Variants in CMYA5 observed in about 807,000 individuals in gnomAD.
CMYA5 encodes cardiomyopathy associated 5, also known as cardiomyopathy-associated protein 5.
A neutral mutation model predicts 318.9 loss-of-function variants in CMYA5; 246 were observed. The ratio of observed to expected loss-of-function variants is 0.77; its 90% confidence interval spans 0.70 to 0.86. CMYA5 has a LOEUF of 0.86. Ranked by LOEUF, CMYA5 falls within the 40% of genes least tolerant of loss-of-function variation. The pLI is 0.00. For missense variants in CMYA5, 4,589 were observed against 4,678.2 expected (o/e 0.98, Z 0.56); for synonymous variants, 1,641 against 1,729.5 (o/e 0.95, Z 1.27).
chr5:79,691,583 G>C (rs1317177822), intron 1 of CMYA5, among the ~76,000 whole-genome samples: 1 of 152,130 alleles, frequency 6.6e-6, no homozygotes, highest in Non-Finnish European at 1.5e-5. Flanking sequence ...GGACACATGA[G>C]GGAATATGGA....
chr5:79,766,102 T>A (rs545022586), intron 9 of CMYA5, among the ~76,000 whole-genome samples: 1 of 152,298 alleles, frequency 6.6e-6, no homozygotes, highest in African/African-American at 2.4e-5. Flanking sequence ...TTGTTTTATT[T>A]ATTTATTTAT....
chr5:79,712,509 G>A (rs951612253), intron 1 of CMYA5, among the ~76,000 whole-genome samples: 2 of 151,550 alleles, frequency 1.3e-5, no homozygotes, highest in African/African-American at 2.4e-5. Flanking sequence ...CACCACACCC[G>A]GCCTATTTTT....
At chr5:79,745,969 C>G (rs1828314465) in intron 4 of CMYA5, among the ~76,000 whole-genome samples, 1 of 152,152 alleles carries the variant, frequency 6.6e-6, no homozygotes, top group Non-Finnish European at 1.5e-5. Flanking sequence ...GGTGTTTTTA[C>G]AAGGGGTTTC....
rs948390139 is a variant in CMYA5 at position 79,790,972 on chromosome 5, A to T, written c.11692A>T (p.Thr3898Ser). 6.2e-7 allele frequency: 1 copy of T among 1,611,022 alleles called. No homozygotes were observed. The highest frequency in any genetic ancestry group is 8.5e-7 in the Non-Finnish European group (1 of 1,177,552). ...SEAALISTRGTRFLLLRETAH... is the reference protein window; with the variant it reads ...SEAALISTRGSRFLLLRETAH... ...TACTATTTTCTCACCTGCAATAGGA[A>T]CCAGATTTCTCTTGTTGAGAGAAAC... is the stretch of plus-strand genomic sequence containing the variant. Residue 3898 changes from threonine (T) to serine (S), a missense_variant and splice_region_variant, in exon 11 of 13, where the codon ACC becomes TCC. Thr to Ser is a moderately conservative substitution (Grantham distance 58). Around this residue, in one of 3 missense-constraint regions of CMYA5, gnomAD observed 2,431 missense variants for 2,495.1 expected, o/e 0.97. Transcript: ENST00000446378.
In CMYA5 at chr5:79,730,396, AGAAG is replaced by A. The variant is rs754612799; in HGVS notation, c.1632_1635del (p.Glu544AspfsTer60). The A allele has an allele frequency of 6.2e-7, 1 of 1,613,928 alleles. No homozygotes were observed. Among genetic ancestry groups the A allele is most frequent in the South Asian group, 1.1e-5 (1 of 91,078 alleles). On this transcript the variant is annotated frameshift_variant, in exon 2 of 13. Coordinates refer to ENST00000446378, the MANE Select transcript of CMYA5 (RefSeq NM_153610.5). LOFTEE classifies it high-confidence loss of function. ...TACCCAGAAAGCCCATTGGTTTCCGAGAAGCCCTTCCCACCACATATGTCCCCTG... is the reference window on the plus strand; with the variant it reads ...TACCCAGAAAGCCCATTGGTTTCCGACCCTTCCCACCACATATGTCCCCTG...
rs193215407 is a variant in CMYA5 at position 79,772,630 on chromosome 5, G to C, written c.11555+9421G>C. Among the ~76,000 whole-genome samples, 8 of 152,294 alleles carry C rather than the reference G, an allele frequency of 5.3e-5. No homozygotes were observed. In the East Asian group the frequency reaches 5.8e-4, roughly 11 times the overall value. On this transcript the variant is annotated intron_variant, in intron 9 of 12. Coordinates refer to ENST00000446378, the MANE Select transcript of CMYA5 (RefSeq NM_153610.5). ...TCAGAGCCATCCCCCATCAATACAG[G>C]CCTCAATATCTTATTCCCTAGGTTG...
At chr5:79,765,923 T>A (rs932893744) in intron 9 of CMYA5, among the ~76,000 whole-genome samples, 1 of 152,232 alleles carries the variant, frequency 6.6e-6, no homozygotes, top group African/African-American at 2.4e-5. Flanking sequence ...TATACAATCA[T>A]GTCATCTGCA....
At chr5:79,740,340 C>A (rs772483644) in intron 2 of CMYA5, among the ~76,000 whole-genome samples, 7 of 152,078 alleles carry the variant, frequency 4.6e-5, no homozygotes, top group Non-Finnish European at 8.8e-5. Context: ...TATTTTATGG[C>A]AATAGTCCTT....
rs377289512 is a variant in CMYA5, at chr5:79,739,112, T to C, written c.10347T>C (p.Asp3449=). 4.5e-5 allele frequency: 72 copies of C among 1,613,754 alleles called. No homozygotes were observed. Among genetic ancestry groups the C allele is most frequent in the Non-Finnish European group, 5.8e-5 (69 of 1,179,846 alleles). The part of the protein sequence containing the change: ...EELSSESTPE[D]VLSQGKESFE... ...TGTCTTCAGAATCCACACCTGAAGATGTCTTATCTCAAGGAAAGGAATCCT... is the reference window on the plus strand; with the variant it reads ...TGTCTTCAGAATCCACACCTGAAGACGTCTTATCTCAAGGAAAGGAATCCT... Residue 3449 remains aspartate (D), a synonymous_variant, in exon 2 of 13, where the codon GAT becomes GAC. Transcript: ENST00000446378.
rs1054616041 is a variant in CMYA5 at position 79,732,950 on chromosome 5, A to G, written c.4185A>G (p.Glu1395=). ...TCTTAACAAAAGTAGGAAAGGGTGAATTAGGAAGTGGTTTGCCACCACTGG... is the reference window on the plus strand; with the variant it reads ...TCTTAACAAAAGTAGGAAAGGGTGAGTTAGGAAGTGGTTTGCCACCACTGG... ...RPVLTKVGKG[E]LGSGLPPLVT... is the part of the protein sequence containing the mutation. Residue 1395 remains glutamate (E), a synonymous_variant, in exon 2 of 13, where the codon GAA becomes GAG. Transcript: ENST00000446378. The G allele has an allele frequency of 1.2e-6, 2 of 1,613,592 alleles. No individual in the cohort carries two copies. The highest frequency in any genetic ancestry group is 2.7e-5 in the African/African-American group (2 of 74,940).
chr5:79,797,075 A>C (rs1226387366), intron 12 of CMYA5, among the ~76,000 whole-genome samples: 1 of 152,238 alleles, frequency 6.6e-6, no homozygotes, highest in Non-Finnish European at 1.5e-5. Context: ...CAACCTGTAC[A>C]TACTAATGAT....
chr5:79,792,495 G>T (rs1417401541), intron 11 of CMYA5, among the ~76,000 whole-genome samples: 1 of 152,130 alleles, frequency 6.6e-6, no homozygotes, highest in Non-Finnish European at 1.5e-5. Flanking sequence ...TGAAAATCAG[G>T]TCATAAATAT....
intron 9 of CMYA5, among the ~76,000 whole-genome samples, chr5:79,773,465 T>C (rs1277880581): frequency 6.6e-6 from 1 of 152,210 alleles, no homozygotes; most frequent in Non-Finnish European, 1.5e-5. Context: ...TTTACAAGCT[T>C]ATTTATCCAT....
intron 1 of CMYA5, among the ~76,000 whole-genome samples, chr5:79,714,427 TTTTC>T (rs1253948741): frequency 2.1e-4 from 25 of 117,074 alleles, no homozygotes; most frequent in African/African-American, 9.6e-4. Context: ...TCTTTTTTCT[TTTTC>T]TTTTTTTTTT....
intron 1 of CMYA5, among the ~76,000 whole-genome samples, chr5:79,708,024 C>G (rs78534568): frequency 0.022 from 3,286 of 152,242 alleles, 117 homozygotes; most frequent in African/African-American, 0.074. Flanking sequence ...ATTTGTGAAG[C>G]CTCCATCCTC....
chr5:79,718,248 AC>A (rs1191518975), intron 1 of CMYA5, among the ~76,000 whole-genome samples: 2 of 152,170 alleles, frequency 1.3e-5, no homozygotes, highest in East Asian at 3.8e-4. Flanking sequence ...TTTCAGCTAA[AC>A]ACATTAATAT....
rs779120744 is a variant in CMYA5, at chr5:79,731,969, T to C, written c.3204T>C (p.Thr1068=). 1 of 1,613,476 alleles carries C rather than the reference T, an allele frequency of 6.2e-7. No homozygotes were observed. The highest frequency in any genetic ancestry group is 1.3e-5 in the African/African-American group (1 of 74,888). The change falls in exon 2 of 13, where the codon ACT becomes ACC. Residue 1068 remains threonine, a synonymous_variant. Coordinates refer to ENST00000446378, the MANE Select transcript of CMYA5 (RefSeq NM_153610.5). ...FSSSQKQKAE[T]FPLMSPLEDL... is the part of the protein sequence containing the mutation. ...CATCACAGAAGCAAAAAGCTGAAACTTTCCCTTTGATGTCTCCGCTTGAAG... is the reference window on the plus strand; with the variant it reads ...CATCACAGAAGCAAAAAGCTGAAACCTTCCCTTTGATGTCTCCGCTTGAAG...
At chr5:79,767,261 T>G (rs145951039) in intron 9 of CMYA5, among the ~76,000 whole-genome samples, 4,411 of 152,272 alleles carry the variant, frequency 0.029, 222 homozygotes, top group African/African-American at 0.1. Flanking sequence ...AGTTCCTGGA[T>G]TCACTGATTT....
intron 9 of CMYA5, among the ~76,000 whole-genome samples, chr5:79,785,192 C>G (rs781454238): frequency 2.0e-5 from 3 of 152,030 alleles, no homozygotes; most frequent in Non-Finnish European, 4.4e-5. Flanking sequence ...CAGGACCATA[C>G]TGGTTTTATT....
Sources: gnomAD v4.1 joint callset for allele counts (sites outside exome capture counted in the v4.1 genomes callset) on GRCh38, gnomAD v4.1.1 for gene constraint, gnomAD v4.1.1 regional missense constraint, MANE v1.5 for transcripts, NCBI Gene and HGNC (gene_info 2026-07-23, HGNC 2026-07-21) for gene names.